The following CTCF variants were observed in gnomAD, a reference collection of about 807,000 sequenced individuals.
The protein encoded by CTCF is transcriptional repressor CTCF.
A neutral mutation model predicts 72.3 loss-of-function variants in CTCF; 7 were observed. The ratio of observed to expected loss-of-function variants is 0.10; its 90% confidence interval spans 0.06 to 0.18. The LOEUF is 0.18. Ranked by LOEUF, CTCF falls within the 10% of genes least tolerant of loss-of-function variation. CTCF has a pLI of 1.00. For missense variants in CTCF, 516 were observed against 949.1 expected, an observed-to-expected ratio of 0.54 and a Z score of 6.00; for synonymous variants, 374 against 315.8, an observed-to-expected ratio of 1.18 and a Z score of -1.95.
At chr16:67,580,324 C>T (rs1327397541) in intron 2 of CTCF, among the ~76,000 whole-genome samples, 1 of 152,014 alleles carries the variant, frequency 6.6e-6, no homozygotes, top group Non-Finnish European at 1.5e-5. Flanking sequence ...ATCATCTGGC[C>T]TCAAGCTCCT....
intron 7 of CTCF, among the ~76,000 whole-genome samples, chr16:67,626,309 CG>C (rs1567614981): frequency 6.6e-6 from 1 of 151,604 alleles, no homozygotes; most frequent in African/African-American, 2.4e-5. Flanking sequence ...AAAAATTAGC[CG>C]GGCATGGTGG....
chr16:67,618,189 G>C (rs542378015), intron 5 of CTCF, among the ~76,000 whole-genome samples: 1 of 152,334 alleles, frequency 6.6e-6, no homozygotes, highest in African/African-American at 2.4e-5. Context: ...CAGATCACCT[G>C]AGGTCAGGAG....
chr16:67,628,486 T>C lies in CTCF; in HGVS notation c.1635T>C (p.Tyr545=), dbSNP rs1161349185. The C allele has an allele frequency of 5.6e-6, 9 of 1,614,224 alleles. No homozygotes were observed. Among genetic ancestry groups the C allele is most frequent in the Middle Eastern group, 1.6e-4 (1 of 6,062 alleles). Residue 545 remains tyrosine, a synonymous_variant, in exon 9 of 12, where the codon TAT becomes TAC. Transcript: ENST00000264010. Reference sequence around the variant, plus strand: ...TTCTCGACATGCACTTCAAGCGCTATCACGACCCCAACTTCGTCCCTGCGG... The same window carrying C: ...TTCTCGACATGCACTTCAAGCGCTACCACGACCCCAACTTCGTCCCTGCGG... ...KQLLDMHFKR[Y]HDPNFVPAAF...
At chr16:67,590,777 C>G (rs747112249) in intron 2 of CTCF, among the ~76,000 whole-genome samples, 3 of 151,380 alleles carry the variant, frequency 2.0e-5, no homozygotes, top group African/African-American at 7.3e-5. Context: ...GCCAACATGG[C>G]GAAACCCTGT....
intron 9 of CTCF, among the ~76,000 whole-genome samples, chr16:67,628,786 C>T (rs1018921901): frequency 1.3e-5 from 2 of 152,216 alleles, no homozygotes; most frequent in African/African-American, 4.8e-5. Context: ...CCTGGCCAGG[C>T]GCGGTGGCTC....
intron 11 of CTCF, 108 bp from the exon 12 acceptor site, chr16:67,637,580 A>C (rs2052448055): frequency 3.6e-6 from 3 of 843,090 alleles, no homozygotes. Flanking sequence ...GCTATCTAAT[A>C]AGGCTGTCCT....
At position 67,626,322 on chromosome 16, in the gene CTCF, G is replaced by A. The variant is rs556142557; in HGVS notation, c.1358-233G>A. On this transcript the variant is annotated intron_variant, in intron 7 of 11. Transcript: ENST00000264010. ...AAAAAAATTAGCCGGGCATGGTGGCGGGCGCCTGTAGTCCCAGCTACTCAG... is the reference window on the plus strand; with the variant it reads ...AAAAAAATTAGCCGGGCATGGTGGCAGGCGCCTGTAGTCCCAGCTACTCAG... 4.6e-5 allele frequency among the ~76,000 whole-genome samples: 7 copies of A among 151,694 alleles called. No individual in the cohort carries two copies. The East Asian group carries it at 7.7e-4, about 17-fold the overall frequency.
intron 4 of CTCF, chr16:67,616,472 TAAG>T: frequency 2.7e-6 from 1 of 374,974 alleles, no homozygotes; most frequent in South Asian, 4.4e-5. Context: ...AAAATAGGAA[TAAG>T]AAGGTTTTTA....
In CTCF at chr16:67,586,497, C is replaced by T. The variant is rs1266936584; in HGVS notation, c.-10+15233C>T. 4.0e-5 allele frequency among the ~76,000 whole-genome samples: 6 copies of T among 149,534 alleles called. No individual in the cohort carries two copies. The Admixed American group carries it at 4.0e-4, about 10-fold the overall frequency. ...GTTGCAGTGAGCCGAGATCGCGCCA[C>T]TGCACTCCAGCCTGGGCGACAGAGT... is the stretch of plus-strand genomic sequence containing the variant. On this transcript the variant is annotated intron_variant, in intron 2 of 11. Coordinates refer to ENST00000264010, the MANE Select transcript of CTCF (RefSeq NM_006565.4).
chr16:67,619,781 G>A (rs1271729046), intron 5 of CTCF, among the ~76,000 whole-genome samples: 4 of 152,092 alleles, frequency 2.6e-5, no homozygotes, highest in African/African-American at 7.2e-5. Flanking sequence ...ACAGGGTTTT[G>A]CCATGTTGCC....
At chr16:67,604,098 C>G (rs1014406225) in intron 2 of CTCF, among the ~76,000 whole-genome samples, 15 of 149,284 alleles carry the variant, frequency 1.0e-4, no homozygotes, top group Non-Finnish European at 2.1e-4. Flanking sequence ...CTGCTGCACT[C>G]CAGCCTGGGC....
At chr16:67,595,712 A>G (rs545031794) in intron 2 of CTCF, among the ~76,000 whole-genome samples, 25 of 152,274 alleles carry the variant, frequency 1.6e-4, no homozygotes, top group Admixed American at 9.8e-4. Flanking sequence ...CCAGGTCACA[A>G]TGCTAATTAG....
intron 2 of CTCF, among the ~76,000 whole-genome samples, chr16:67,591,751 G>A (rs1031340241): frequency 6.6e-6 from 1 of 152,020 alleles, no homozygotes; most frequent in Non-Finnish European, 1.5e-5. Flanking sequence ...ACAGAGTCTT[G>A]CGCTGTCACT....
Position 67,611,585 on chromosome 16 carries a change from T to C in CTCF, c.753T>C (p.Pro251=), listed in dbSNP as rs1303182641. The change falls in exon 3 of 12, where the codon CCT becomes CCC. Residue 251 remains proline, a synonymous_variant. Coordinates refer to ENST00000264010, the MANE Select transcript of CTCF (RefSeq NM_006565.4). ...NAEKVVGNMK[P]PKPTKIKKKG... is the part of the protein sequence containing the mutation. ...AGAAAGTGGTTGGTAATATGAAGCC[T>C]CCAAAGCCAACAAAAATTAAAAAGA... The C allele has an allele frequency of 6.2e-7, 1 of 1,608,560 alleles. No individual in the cohort carries two copies. Among genetic ancestry groups the C allele is most frequent in the East Asian group, 2.2e-5 (1 of 44,882 alleles).
chr16:67,593,283 T>G (rs1021887192), intron 2 of CTCF, among the ~76,000 whole-genome samples: 4 of 152,044 alleles, frequency 2.6e-5, no homozygotes, highest in African/African-American at 9.7e-5. Flanking sequence ...GGTACAATTG[T>G]TGCTCATCAC....
At chr16:67,589,267 C>G (rs1050518603) in intron 2 of CTCF, among the ~76,000 whole-genome samples, 1 of 152,090 alleles carries the variant, frequency 6.6e-6, no homozygotes, top group African/African-American at 2.4e-5. Flanking sequence ...ACTGCGCTCA[C>G]TCCAGTCTGG....
chr16:67,576,150 A>AAC (rs1465923069), intron 2 of CTCF, among the ~76,000 whole-genome samples: 5 of 151,144 alleles, frequency 3.3e-5, no homozygotes, highest in African/African-American at 9.7e-5. Flanking sequence ...TAAAAAAAAA[A>AAC]AAAAAAAAAA....
chr16:67,570,066 A>G (rs1172176750), intron 1 of CTCF, among the ~76,000 whole-genome samples: 2 of 149,996 alleles, frequency 1.3e-5, no homozygotes, highest in East Asian at 2.0e-4. Context: ...TACTGCAGCC[A>G]TAAGAATTAA....
intron 7 of CTCF, among the ~76,000 whole-genome samples, chr16:67,623,789 C>A (rs2052236549): frequency 6.6e-6 from 1 of 152,060 alleles, no homozygotes. Context: ...GTGGCTCACG[C>A]CTCTAATCCC....
Sources: gnomAD v4.1 joint callset for allele counts (sites outside exome capture counted in the v4.1 genomes callset) on GRCh38, gnomAD v4.1.1 for gene constraint, MANE v1.5 for transcripts, NCBI Gene and HGNC (gene_info 2026-07-23, HGNC 2026-07-21) for gene names.